The following TMTC2 variants were observed in gnomAD, a reference collection of about 807,000 sequenced individuals.
The protein encoded by TMTC2 is transmembrane O-mannosyltransferase targeting cadherins 2, also known as protein O-mannosyl-transferase TMTC2.
A neutral mutation model predicts 82.4 loss-of-function variants in TMTC2; 43 were observed. That is an observed-to-expected ratio of 0.52 (90% CI 0.41 to 0.67). TMTC2 has a LOEUF of 0.67. TMTC2 is among the 30% of genes least tolerant of loss of function. The pLI is 0.00. For synonymous variants in TMTC2, 408 were observed against 381.9 expected (o/e 1.07, Z -0.80); for missense variants, 919 against 1,012.4 (o/e 0.91, Z 1.25).
At position 83,061,848 on chromosome 12, in the gene TMTC2, T is replaced by A; in HGVS notation, c.2331+17T>A. On this transcript the variant is annotated intron_variant, in intron 11 of 11. Transcript: ENST00000321196. ...AGGCCTAATGTAAGTACTTCCCTAA[T>A]GAGAAACATTTTCAGAGGGATAGAC... The A allele has an allele frequency of 6.4e-7, 1 of 1,565,380 alleles. No individual in the cohort carries two copies. The highest frequency in any genetic ancestry group is 8.7e-7 in the Non-Finnish European group (1 of 1,155,092).
At chr12:82,866,099 G>T (rs1036559906) in intron 2 of TMTC2, among the ~76,000 whole-genome samples, 4 of 151,852 alleles carry the variant, frequency 2.6e-5, no homozygotes, top group Non-Finnish European at 4.4e-5. Flanking sequence ...ACAATTAAAA[G>T]AACTAGAGAA....
At chr12:83,027,980 A>G (rs1350727683) in intron 8 of TMTC2, among the ~76,000 whole-genome samples, 1 of 152,198 alleles carries the variant, frequency 6.6e-6, no homozygotes, top group Non-Finnish European at 1.5e-5. Context: ...AAATCTTTGC[A>G]TATGACATTT....
At chr12:82,727,891 G>A (rs1355352582) in intron 1 of TMTC2, among the ~76,000 whole-genome samples, 1 of 151,560 alleles carries the variant, frequency 6.6e-6, no homozygotes, top group Admixed American at 6.6e-5. Flanking sequence ...CAGATTACTA[G>A]ATAGCTGAAC....
chr12:82,960,702 G>A (rs1169235957), intron 4 of TMTC2, among the ~76,000 whole-genome samples: 1 of 151,912 alleles, frequency 6.6e-6, no homozygotes, highest in East Asian at 1.9e-4. Flanking sequence ...TCAGTACCTG[G>A]GTGATGGGAT....
At chr12:82,965,165 A>G in intron 5 of TMTC2, 56 bp downstream of exon 5, 1 of 1,292,116 alleles carries the variant, frequency 7.7e-7, no homozygotes, top group Non-Finnish European at 1.1e-6. Context: ...TTGAAAATTA[A>G]CTCTAATTTA....
intron 1 of TMTC2, among the ~76,000 whole-genome samples, chr12:82,795,766 G>A (rs1172980550): frequency 6.6e-6 from 1 of 152,128 alleles, no homozygotes; most frequent in Non-Finnish European, 1.5e-5. Flanking sequence ...TGGAGGCAGA[G>A]AGCAGCCCTC....
intron 1 of TMTC2, among the ~76,000 whole-genome samples, chr12:82,713,112 G>T (rs964220528): frequency 2.6e-5 from 4 of 152,122 alleles, no homozygotes; most frequent in Non-Finnish European, 5.9e-5. Context: ...CTGAGGTCAG[G>T]GGTTCGAGAC....
At chr12:82,937,919 T>TTA (rs745703318) in intron 4 of TMTC2, among the ~76,000 whole-genome samples, 750 of 36,048 alleles carry the variant, frequency 0.021, 42 homozygotes, top group East Asian at 0.042. Context: ...TTTTTTTTTT[T>TTA]TTATTTTTTT....
chr12:83,052,511 T>A (rs1882388987), intron 10 of TMTC2, among the ~76,000 whole-genome samples: 1 of 152,174 alleles, frequency 6.6e-6, no homozygotes, highest in Non-Finnish European at 1.5e-5. Flanking sequence ...GGTTAGGTAC[T>A]GTTACAGAGA....
chr12:82,920,968 T>A (rs1043619223), intron 3 of TMTC2, among the ~76,000 whole-genome samples: 1 of 152,286 alleles, frequency 6.6e-6, no homozygotes, highest in Non-Finnish European at 1.5e-5. Context: ...ACATATAAAA[T>A]TATATTCCCA....
intron 9 of TMTC2, among the ~76,000 whole-genome samples, chr12:83,033,644 AG>A (rs1881533716): frequency 6.6e-6 from 1 of 151,964 alleles, no homozygotes; most frequent in South Asian, 2.1e-4. Context: ...CCAGCTACTC[AG>A]GAGGCTGAGG....
intron 11 of TMTC2, among the ~76,000 whole-genome samples, chr12:83,064,022 GTTTTTC>G (rs111541870): frequency 0.059 from 8,909 of 151,736 alleles, 295 homozygotes; most frequent in Middle Eastern, 0.082. Flanking sequence ...AGAGATCAGA[GTTTTTC>G]TTTTTTTTTT....
At chr12:83,070,391 G>A (rs190183147) in intron 11 of TMTC2, among the ~76,000 whole-genome samples, 2 of 151,860 alleles carry the variant, frequency 1.3e-5, no homozygotes, top group Non-Finnish European at 2.9e-5. Flanking sequence ...TTCCTTTAGA[G>A]GTCTTTTAAC....
chr12:82,934,068 T>C (rs1332380319), intron 4 of TMTC2, among the ~76,000 whole-genome samples: 1 of 152,156 alleles, frequency 6.6e-6, no homozygotes, highest in Non-Finnish European at 1.5e-5. Context: ...TCTTAGTTCT[T>C]TACATATGTT....
chr12:82,712,567 A>T (rs1024912305), intron 1 of TMTC2, among the ~76,000 whole-genome samples: 6 of 152,126 alleles, frequency 3.9e-5, no homozygotes, highest in African/African-American at 1.4e-4. Context: ...GTCTGATGGA[A>T]GAAGTCATAC....
intron 2 of TMTC2, among the ~76,000 whole-genome samples, chr12:82,873,617 T>C (rs1215349202): frequency 6.6e-6 from 1 of 152,200 alleles, no homozygotes; most frequent in African/African-American, 2.4e-5. Flanking sequence ...TGGTTTACAG[T>C]ATAAATATGA....
chr12:82,883,430 TG>T (rs1872936486), intron 2 of TMTC2, among the ~76,000 whole-genome samples: 1 of 152,206 alleles, frequency 6.6e-6, no homozygotes, highest in Non-Finnish European at 1.5e-5. Context: ...TGGTGTCTTT[TG>T]TGTTTTCATA....
At chr12:82,799,311 A>G (rs1382692201) in intron 1 of TMTC2, among the ~76,000 whole-genome samples, 1 of 152,186 alleles carries the variant, frequency 6.6e-6, no homozygotes, top group Non-Finnish European at 1.5e-5. Flanking sequence ...TGTTGCAGGA[A>G]GAGAGATTGT....
At chr12:82,956,803 G>A (rs149698703) in intron 4 of TMTC2, among the ~76,000 whole-genome samples, 27 of 152,082 alleles carry the variant, frequency 1.8e-4, no homozygotes, top group African/African-American at 4.3e-4. Flanking sequence ...ACAAAGAAGC[G>A]CATTCCATAA....
Sources: allele counts gnomAD v4.1 joint callset (sites outside exome capture counted in the v4.1 genomes callset), GRCh38; gene constraint gnomAD v4.1.1; transcripts MANE v1.5; gene names NCBI Gene and HGNC (gene_info 2026-07-23, HGNC 2026-07-21).